RAB7A: variants seen among roughly 807,000 people sequenced by gnomAD.
RAB7A encodes the protein RAB7A, member RAS oncogene family.
In RAB7A, 2 loss-of-function variants were observed where a neutral mutation model predicts 24.5. The observed-to-expected ratio is 0.08, with a 90% CI of 0.03 to 0.26. The LOEUF (loss-of-function observed/expected upper bound fraction) is 0.26. RAB7A is among the 10% of genes least tolerant of loss of function. The pLI is 1.00. For synonymous variants in RAB7A, 100 were observed against 95.9 expected, an observed-to-expected ratio of 1.04 and a Z score of -0.25; for missense variants, 118 against 255.7, an observed-to-expected ratio of 0.46 and a Z score of 3.67.
At chr3:128,813,263 C>T (rs1038314563) in intron 5 of RAB7A, 64 bp from the exon 6 acceptor site, 74 of 1,481,850 alleles carry the variant, frequency 5.0e-5, no homozygotes, top group Middle Eastern at 1.8e-4. Flanking sequence ...AGAAAGTGCC[C>T]GCAATGAGGG....
At chr3:128,743,255 G>A (rs1463998657) in intron 1 of RAB7A, among the ~76,000 whole-genome samples, 1 of 152,196 alleles carries the variant, frequency 6.6e-6, no homozygotes, top group Non-Finnish European at 1.5e-5. Flanking sequence ...CGGAACTCCC[G>A]CTGGTCCGCG....
intron 1 of RAB7A, among the ~76,000 whole-genome samples, chr3:128,754,710 G>C (rs1171664259): frequency 6.6e-6 from 1 of 152,130 alleles, no homozygotes; most frequent in African/African-American, 2.4e-5. Flanking sequence ...GATGGAAAAA[G>C]ATACTCTCTT....
intron 1 of RAB7A, among the ~76,000 whole-genome samples, chr3:128,780,098 C>A (rs1933186038): frequency 6.6e-6 from 1 of 152,154 alleles, no homozygotes; most frequent in Non-Finnish European, 1.5e-5. Flanking sequence ...GAATTGGGGT[C>A]TGATATACAT....
intron 1 of RAB7A, among the ~76,000 whole-genome samples, chr3:128,740,143 G>A (rs1023718909): frequency 3.3e-5 from 5 of 152,138 alleles, no homozygotes; most frequent in African/African-American, 9.7e-5. Context: ...TTGGGAGGCC[G>A]CCGAGATGGG....
intron 5 of RAB7A, among the ~76,000 whole-genome samples, 168 bp downstream of exon 5, chr3:128,807,839 C>T (rs537322406): frequency 6.3e-4 from 96 of 152,312 alleles, no homozygotes; most frequent in Admixed American, 1.7e-3. Context: ...GCTTAAGCTT[C>T]CAGAAATCCC....
intron 3 of RAB7A, among the ~76,000 whole-genome samples, chr3:128,804,289 A>T (rs151315589): frequency 0.012 from 1,818 of 152,322 alleles, 31 homozygotes; most frequent in African/African-American, 0.039. Context: ...AACCCCTCCT[A>T]TATACATATC....
chr3:128,810,034 C>T (rs1266607705), intron 5 of RAB7A, among the ~76,000 whole-genome samples: 5 of 146,332 alleles, frequency 3.4e-5, no homozygotes, highest in South Asian at 4.4e-4. Context: ...CTGCAACCTC[C>T]GCCTCCCAGG....
intron 1 of RAB7A, among the ~76,000 whole-genome samples, chr3:128,734,295 G>A (rs1418494901): frequency 1.3e-5 from 2 of 151,904 alleles, no homozygotes; most frequent in East Asian, 3.9e-4. Context: ...GCCAGGCGTG[G>A]TGGTGGGCAC....
At chr3:128,804,840 G>A (rs1933767681) in intron 3 of RAB7A, among the ~76,000 whole-genome samples, 1 of 152,166 alleles carries the variant, frequency 6.6e-6, no homozygotes, top group South Asian at 2.1e-4. Context: ...ATAGGAAATT[G>A]TCAGCAATAT....
intron 1 of RAB7A, among the ~76,000 whole-genome samples, chr3:128,777,379 T>C (rs1193433602): frequency 1.3e-5 from 2 of 152,104 alleles, no homozygotes; most frequent in Admixed American, 6.6e-5. Flanking sequence ...TTCTTTTGTT[T>C]TCTGTAGAGA....
At chr3:128,772,983 C>T (rs992820050) in intron 1 of RAB7A, among the ~76,000 whole-genome samples, 1 of 152,194 alleles carries the variant, frequency 6.6e-6, no homozygotes, top group African/African-American at 2.4e-5. Context: ...CCCAAAGTGC[C>T]GAGATTGCAG....
chr3:128,790,598 T>C lies in RAB7A; in HGVS notation c.-8-4762T>C, dbSNP rs949486932. Among the ~76,000 whole-genome samples, 4 of 152,360 alleles carry C rather than the reference T, an allele frequency of 2.6e-5. No homozygotes were observed. The South Asian group carries it at 8.3e-4, about 32-fold the overall frequency. On this transcript the variant is annotated intron_variant, in intron 1 of 5. Coordinates refer to ENST00000265062, the MANE Select transcript of RAB7A (RefSeq NM_004637.6). The stretch of plus-strand genomic sequence containing the variant: ...AGAGGAGATGTAGAGATCTTAATTC[T>C]CACCAAAATTTTTCTGGCTCTTACC...
intron 1 of RAB7A, among the ~76,000 whole-genome samples, chr3:128,756,438 G>GA (rs1370246551): frequency 6.6e-6 from 1 of 151,828 alleles, no homozygotes; most frequent in African/African-American, 2.4e-5. Flanking sequence ...TCATGGAAAA[G>GA]AATAAAATAG....
intron 1 of RAB7A, among the ~76,000 whole-genome samples, chr3:128,772,734 C>T (rs1286718652): frequency 6.6e-6 from 1 of 152,250 alleles, no homozygotes; most frequent in Non-Finnish European, 1.5e-5. Context: ...CTGCAGAAGG[C>T]GCGGGCCGCC....
intron 1 of RAB7A, among the ~76,000 whole-genome samples, chr3:128,758,983 T>C (rs2070755214): frequency 6.6e-6 from 1 of 152,252 alleles, no homozygotes; most frequent in Non-Finnish European, 1.5e-5. Context: ...GGTTGAGTAG[T>C]AAACAGACTA....
intron 1 of RAB7A, among the ~76,000 whole-genome samples, chr3:128,757,461 G>A (rs1471474670): frequency 6.6e-6 from 1 of 151,956 alleles, no homozygotes; most frequent in Non-Finnish European, 1.5e-5. Flanking sequence ...CGAGGCAGAG[G>A]CACAAGATGA....
At chr3:128,755,085 C>A (rs1361285228) in intron 1 of RAB7A, among the ~76,000 whole-genome samples, 1 of 152,124 alleles carries the variant, frequency 6.6e-6, no homozygotes, top group Non-Finnish European at 1.5e-5. Context: ...GACTTAGGAC[C>A]TTCTTTAGGA....
chr3:128,760,515 A>G (rs897893249), intron 1 of RAB7A, among the ~76,000 whole-genome samples: 17 of 152,208 alleles, frequency 1.1e-4, no homozygotes, highest in Admixed American at 1.1e-3. Context: ...TCTCTGTTTC[A>G]GAAACACTTC....
At chr3:128,744,433 T>C (rs1185448520) in intron 1 of RAB7A, among the ~76,000 whole-genome samples, 2 of 152,234 alleles carry the variant, frequency 1.3e-5, no homozygotes, top group Non-Finnish European at 2.9e-5. Flanking sequence ...ATTTATTCTC[T>C]TAGATATTTT....
Sources: allele counts gnomAD v4.1 joint callset (sites outside exome capture counted in the v4.1 genomes callset), GRCh38; gene constraint gnomAD v4.1.1; transcripts MANE v1.5; gene names NCBI Gene and HGNC (gene_info 2026-07-23, HGNC 2026-07-21).